The following TBCK variants were observed in gnomAD, a reference collection of about 807,000 sequenced individuals.
TBCK encodes TBC domain-containing protein kinase-like protein.
TBCK carries 99 observed loss-of-function variants against 113.4 expected under a neutral mutation model. That is an observed-to-expected ratio of 0.87 (90% CI 0.74 to 1.03). The LOEUF is 1.03. Ranked by LOEUF, TBCK falls within the 50% of genes least tolerant of loss-of-function variation. TBCK has a pLI of 0.00. For synonymous variants in TBCK, 369 were observed against 370.8 expected (o/e 1.00, Z 0.05); for missense variants, 1,045 against 1,061.3 (o/e 0.98, Z 0.21).
chr4:106,280,593 A>G (rs1764489089), intron 3 of TBCK, among the ~76,000 whole-genome samples: 1 of 152,016 alleles, frequency 6.6e-6, no homozygotes, highest in African/African-American at 2.4e-5. Flanking sequence ...ATCCATTTTG[A>G]TTTGAATTTT....
Position 106,081,058 on chromosome 4 carries a change from C to T in TBCK, c.2571+14424G>A, listed in dbSNP as rs923532530. ...TTGCAGAGAAAAAGGAACACTTTTA[C>T]ACATTGGTGTTAGTGTAAGTTAGTT... is the stretch of plus-strand genomic sequence containing the variant. On this transcript the variant is annotated intron_variant, in intron 25 of 25. Coordinates refer to ENST00000394708, the MANE Select transcript of TBCK (RefSeq NM_001163435.3). 1.1e-4 allele frequency among the ~76,000 whole-genome samples: 17 copies of T among 152,150 alleles called. 1 individual carries two copies. Among genetic ancestry groups the T allele is most frequent in the Admixed American group, 6.5e-4 (10 of 15,274 alleles).
intron 1 of TBCK, chr4:106,315,663 A>T (rs1028445723): frequency 3.3e-5 from 5 of 152,198 alleles, no homozygotes; most frequent in Admixed American, 1.3e-4. Flanking sequence ...CGGATTCTAG[A>T]TTCTCTAACC....
At chr4:106,240,322 C>A (rs2150024854) in intron 12 of TBCK, among the ~76,000 whole-genome samples, 1 of 151,926 alleles carries the variant, frequency 6.6e-6, no homozygotes, top group South Asian at 2.1e-4. Flanking sequence ...TGTTTCTATT[C>A]AATAGCGTTA....
intron 19 of TBCK, among the ~76,000 whole-genome samples, chr4:106,214,626 T>A (rs1398946926): frequency 6.6e-6 from 1 of 151,712 alleles, no homozygotes; most frequent in Admixed American, 6.6e-5. Flanking sequence ...CAATGGAAGA[T>A]GAAATGAATG....
intron 25 of TBCK, among the ~76,000 whole-genome samples, chr4:106,059,666 A>G (rs977489815): frequency 6.6e-6 from 1 of 151,744 alleles, no homozygotes; most frequent in African/African-American, 2.4e-5. Context: ...AATTAGGCCA[A>G]TTAATAACCT....
chr4:106,266,219 T>TA (rs144681240), intron 3 of TBCK, among the ~76,000 whole-genome samples: 20,550 of 150,404 alleles, frequency 0.14, 1,635 homozygotes, highest in South Asian at 0.25. Flanking sequence ...GTCTTCCCCT[T>TA]AAAAAAAAAG....
Position 106,064,240 on chromosome 4 carries a change from AAAC to A in TBCK, c.2572-17563_2572-17561del, listed in dbSNP as rs1233270758. Among the ~76,000 whole-genome samples the A allele has an allele frequency of 3.9e-5, 6 of 152,060 alleles. 1 individual carries two copies. The highest frequency in any genetic ancestry group is 1.4e-4 in the African/African-American group (6 of 41,522). ...TATGAATCTGATCATTTTTATTTAA[AAAC>A]AACTGAAATCACATTTTAAACTTAA... is the stretch of plus-strand genomic sequence containing the variant. On this transcript the variant is annotated intron_variant, in intron 25 of 25. Coordinates refer to ENST00000394708, the MANE Select transcript of TBCK (RefSeq NM_001163435.3).
chr4:106,238,321 A>G (rs181742727), intron 12 of TBCK, among the ~76,000 whole-genome samples: 1 of 152,130 alleles, frequency 6.6e-6, no homozygotes, highest in Non-Finnish European at 1.5e-5. Context: ...GCATTATGGC[A>G]GACAAGAGAT....
At chr4:106,195,923 C>T (rs1337184208) in intron 20 of TBCK, among the ~76,000 whole-genome samples, 1 of 151,972 alleles carries the variant, frequency 6.6e-6, no homozygotes, top group Non-Finnish European at 1.5e-5. Context: ...GGTTCTGTTT[C>T]TCTAGAGAAC....
chr4:106,256,433 T>A (rs1414034228), intron 5 of TBCK, among the ~76,000 whole-genome samples: 1 of 152,192 alleles, frequency 6.6e-6, no homozygotes, highest in Non-Finnish European at 1.5e-5. Context: ...GGAGTGTCAG[T>A]GCTGCCTCGA....
chr4:106,208,387 T>C (rs1014438854), intron 20 of TBCK, among the ~76,000 whole-genome samples: 35 of 152,002 alleles, frequency 2.3e-4, no homozygotes, highest in African/African-American at 8.2e-4. Flanking sequence ...TTTACACTGT[T>C]GTGGCCATCT....
chr4:106,076,598 A>G (rs977300884), intron 25 of TBCK, among the ~76,000 whole-genome samples: 60 of 152,276 alleles, frequency 3.9e-4, no homozygotes, highest in African/African-American at 1.1e-3. Context: ...GAAAGAAAAA[A>G]TCGTATAGGT....
intron 24 of TBCK, among the ~76,000 whole-genome samples, chr4:106,110,233 T>C (rs997604551): frequency 2.6e-5 from 4 of 152,218 alleles, no homozygotes; most frequent in African/African-American, 7.2e-5. Context: ...GCCTACTCTT[T>C]CACTCAATAC....
In TBCK at chr4:106,222,053, T is replaced by C. The variant is rs143747872; in HGVS notation, c.1774+8310A>G. ...ACTTCAAAAATAGTGTTTTCTAACCTACACATGACCTATATAGAGGTAAAT... is the reference window on the plus strand; with the variant it reads ...ACTTCAAAAATAGTGTTTTCTAACCCACACATGACCTATATAGAGGTAAAT... On this transcript the variant is annotated intron_variant, in intron 19 of 25. Coordinates refer to ENST00000394708, the MANE Select transcript of TBCK (RefSeq NM_001163435.3). Among the ~76,000 whole-genome samples, 761 of 152,240 alleles carry C rather than the reference T, an allele frequency of 5.0e-3. 4 individuals carry two copies. The highest frequency in any genetic ancestry group is 0.018 in the African/African-American group (732 of 41,556).
At position 106,252,017 on chromosome 4, in the gene TBCK, T is replaced by G. The variant is rs762471972; in HGVS notation, c.456-10A>C. 1 of 1,575,210 alleles carries G rather than the reference T, an allele frequency of 6.3e-7. No homozygotes were observed. Among genetic ancestry groups the G allele is most frequent in the South Asian group, 1.2e-5 (1 of 84,720 alleles). On this transcript the variant is annotated splice_polypyrimidine_tract_variant and intron_variant, in intron 5 of 25. Coordinates refer to ENST00000394708, the MANE Select transcript of TBCK (RefSeq NM_001163435.3). ...CAAGTACGAGGGATACCTGTAATGA[T>G]ACATTAAAATAATGAAAAATTACAA...
At chr4:106,254,688 C>T (rs1057076761) in intron 5 of TBCK, among the ~76,000 whole-genome samples, 4 of 151,958 alleles carry the variant, frequency 2.6e-5, no homozygotes, top group Non-Finnish European at 5.9e-5. Flanking sequence ...AGACAAGGTA[C>T]AACTTATTTT....
chr4:106,250,279 C>T (rs1350034987), intron 7 of TBCK, 139 bp downstream of exon 7: 1 of 548,580 alleles, frequency 1.8e-6, no homozygotes, highest in East Asian at 3.3e-5. Flanking sequence ...TGATCATTAC[C>T]ACTGATCATT....
At chr4:106,146,993 T>C (rs1747876759) in intron 23 of TBCK, among the ~76,000 whole-genome samples, 1 of 152,206 alleles carries the variant, frequency 6.6e-6, no homozygotes, top group Admixed American at 6.5e-5. Context: ...GATTCCATTC[T>C]AAGAAACTTT....
At position 106,232,932 on chromosome 4, in the gene TBCK, A is replaced by T. The variant is rs774689777; in HGVS notation, c.1639+6T>A. 1 of 1,609,706 alleles carries T rather than the reference A, an allele frequency of 6.2e-7. No homozygotes were observed. The highest frequency in any genetic ancestry group is 2.2e-5 in the East Asian group (1 of 44,718). On this transcript the variant is annotated splice_donor_region_variant and intron_variant, in intron 17 of 25. Coordinates refer to ENST00000394708, the MANE Select transcript of TBCK (RefSeq NM_001163435.3). ...CCAGAGGAGTTTTAATGACTACAAA[A>T]GTTACCTTGCCAATACACAAGATCA...
Sources: allele counts gnomAD v4.1 joint callset (sites outside exome capture counted in the v4.1 genomes callset), GRCh38; gene constraint gnomAD v4.1.1; transcripts MANE v1.5; gene names NCBI Gene and HGNC (gene_info 2026-07-23, HGNC 2026-07-21).